MAGI1: variants seen among roughly 807,000 people sequenced by gnomAD.
MAGI1 encodes membrane associated guanylate kinase, WW and PDZ domain containing 1.
In MAGI1, 58 loss-of-function variants were observed where a neutral mutation model predicts 139.9. The observed-to-expected ratio is 0.41, with a 90% CI of 0.34 to 0.52. The LOEUF is 0.52. Ranked by LOEUF, MAGI1 falls within the 20% of genes least tolerant of loss-of-function variation. The pLI, the probability that MAGI1 is intolerant of heterozygous loss-of-function variation, is 0.12. For synonymous variants in MAGI1, 812 were observed against 737.9 expected (o/e 1.10, Z -1.63); for missense variants, 1,874 against 1,901.6 (o/e 0.99, Z 0.27).
chr3:66,008,449 AC>A, intron 1 of MAGI1, among the ~76,000 whole-genome samples: 1 of 152,180 alleles, frequency 6.6e-6, no homozygotes, highest in East Asian at 1.9e-4. Context: ...ACATGTAGGC[AC>A]TATACCTGGC....
In MAGI1 at chr3:65,430,790, C is replaced by G; in HGVS notation, c.1455G>C (p.Thr485=). Residue 485 remains threonine (T), a synonymous_variant, in exon 11 of 23, where the codon ACG becomes ACC. Coordinates refer to ENST00000402939, the MANE Select transcript of MAGI1 (RefSeq NM_001033057.2). ...CATCAGGTTCATCCCCTCCAACCACCGTGAAGCCAAAGCCACGACTGCTTT... is the reference window on the plus strand; with the variant it reads ...CATCAGGTTCATCCCCTCCAACCACGGTGAAGCCAAAGCCACGACTGCTTT... The part of the protein sequence containing the change: ...LRKSSRGFGF[T]VVGGDEPDEF... 1 of 1,613,700 alleles carries G rather than the reference C, an allele frequency of 6.2e-7. No homozygotes were observed. Among genetic ancestry groups the G allele is most frequent in the Non-Finnish European group, 8.5e-7 (1 of 1,179,808 alleles).
At chr3:65,760,040 C>A (rs186434134) in intron 1 of MAGI1, among the ~76,000 whole-genome samples, 1 of 152,162 alleles carries the variant, frequency 6.6e-6, no homozygotes, top group African/African-American at 2.4e-5. Context: ...TGTTGGAAGT[C>A]AAATGGTATA....
intron 2 of MAGI1, among the ~76,000 whole-genome samples, chr3:65,613,263 G>A (rs1341452812): frequency 2.0e-5 from 3 of 152,104 alleles, no homozygotes; most frequent in Non-Finnish European, 4.4e-5. Context: ...ATGCCCTACA[G>A]GGTTCAGAGA....
intron 15 of MAGI1, among the ~76,000 whole-genome samples, chr3:65,382,876 A>G (rs189796085): frequency 2.6e-5 from 4 of 152,326 alleles, no homozygotes; most frequent in East Asian, 1.9e-4. Flanking sequence ...AAGAGCCTTT[A>G]GCACAGAACC....
At chr3:65,631,915 C>T (rs1265806225) in intron 1 of MAGI1, among the ~76,000 whole-genome samples, 1 of 151,734 alleles carries the variant, frequency 6.6e-6, no homozygotes, top group Non-Finnish European at 1.5e-5. Flanking sequence ...ATCCCAGCTA[C>T]TTGGGAGACT....
intron 2 of MAGI1, among the ~76,000 whole-genome samples, chr3:65,570,828 C>T (rs1306910626): frequency 1.3e-5 from 2 of 152,184 alleles, no homozygotes; most frequent in East Asian, 3.8e-4. Flanking sequence ...CTCTTTTTCT[C>T]ACTCTCCTAC....
chr3:65,774,250 A>G (rs989758992), intron 1 of MAGI1, among the ~76,000 whole-genome samples: 5 of 152,220 alleles, frequency 3.3e-5, no homozygotes, highest in African/African-American at 4.8e-5. Flanking sequence ...AGTCCTGAGC[A>G]GGGTGAAATG....
intron 1 of MAGI1, among the ~76,000 whole-genome samples, chr3:65,829,759 G>C (rs557365508): frequency 1.3e-5 from 2 of 152,298 alleles, no homozygotes; most frequent in South Asian, 4.1e-4. Flanking sequence ...AAGTCTCTGA[G>C]CCATTACTCT....
intron 1 of MAGI1, among the ~76,000 whole-genome samples, chr3:65,745,993 G>T (rs772406942): frequency 6.6e-6 from 1 of 152,090 alleles, no homozygotes; most frequent in Non-Finnish European, 1.5e-5. Context: ...GCTTCCCAAA[G>T]TGCTGGGATT....
chr3:65,662,824 T>C (rs2086275081), intron 1 of MAGI1, among the ~76,000 whole-genome samples: 1 of 152,156 alleles, frequency 6.6e-6, no homozygotes, highest in Admixed American at 6.5e-5. Flanking sequence ...TAACTACAAC[T>C]TTACACATTA....
At chr3:65,393,661 T>C (rs1277948421) in intron 13 of MAGI1, among the ~76,000 whole-genome samples, 4 of 152,178 alleles carry the variant, frequency 2.6e-5, no homozygotes, top group Non-Finnish European at 5.9e-5. Flanking sequence ...CATGCCTCCC[T>C]TCAAAGGACC....
At chr3:65,697,165 C>T (rs929260537) in intron 1 of MAGI1, among the ~76,000 whole-genome samples, 74 of 152,124 alleles carry the variant, frequency 4.9e-4, no homozygotes, top group African/African-American at 1.7e-3. Context: ...TCTCCCAAGA[C>T]TAAACCAGGA....
intron 1 of MAGI1, among the ~76,000 whole-genome samples, chr3:65,891,870 T>C (rs1448316365): frequency 8.6e-6 from 1 of 115,952 alleles, no homozygotes; most frequent in Non-Finnish European, 1.7e-5. Context: ...AAATGTACCC[T>C]AGAACTTAAA....
chr3:65,636,100 G>A (rs748260493), intron 1 of MAGI1, among the ~76,000 whole-genome samples: 31 of 152,104 alleles, frequency 2.0e-4, no homozygotes, highest in Non-Finnish European at 4.0e-4. Flanking sequence ...ACAAGTAATC[G>A]CCATGGTCCC....
chr3:65,590,206 C>T (rs534113379), intron 2 of MAGI1, among the ~76,000 whole-genome samples: 1 of 152,322 alleles, frequency 6.6e-6, no homozygotes, highest in Admixed American at 6.5e-5. Context: ...ACATACTTCT[C>T]TTACAACCCA....
chr3:65,931,042 T>C (rs1250897748), intron 1 of MAGI1, among the ~76,000 whole-genome samples: 1 of 151,690 alleles, frequency 6.6e-6, no homozygotes, highest in Non-Finnish European at 1.5e-5. Context: ...CTTGCTTCTT[T>C]TTTTTTTTGA....
intron 1 of MAGI1, among the ~76,000 whole-genome samples, chr3:65,907,139 C>G (rs971147869): frequency 1.2e-4 from 18 of 151,894 alleles, no homozygotes; most frequent in African/African-American, 4.3e-4. Context: ...ATGAATTCTA[C>G]TCTACTGCCT....
At chr3:65,992,951 A>T (rs2066256137) in intron 1 of MAGI1, among the ~76,000 whole-genome samples, 1 of 152,068 alleles carries the variant, frequency 6.6e-6, no homozygotes, top group Non-Finnish European at 1.5e-5. Flanking sequence ...CAGCCTCCTG[A>T]GTAGATGGGA....
At chr3:65,516,645 A>G (rs975664576) in intron 2 of MAGI1, among the ~76,000 whole-genome samples, 19 of 151,088 alleles carry the variant, frequency 1.3e-4, no homozygotes, top group Admixed American at 1.3e-4. Context: ...CCTTATCACA[A>G]TCATGAGCAA....
Sources: allele counts gnomAD v4.1 joint callset (sites outside exome capture counted in the v4.1 genomes callset), GRCh38; gene constraint gnomAD v4.1.1; transcripts MANE v1.5; gene names NCBI Gene and HGNC (gene_info 2026-07-23, HGNC 2026-07-21).